Variants in TUT4 observed in about 807,000 individuals in gnomAD.
TUT4 encodes terminal uridylyltransferase 4.
TUT4 carries 36 observed loss-of-function variants against 192.2 expected under a neutral mutation model. The observed-to-expected ratio is 0.19, with a 90% CI of 0.14 to 0.25. The LOEUF (loss-of-function observed/expected upper bound fraction) is 0.25. Among genes scored for constraint, TUT4 ranks in the 10% least tolerant of loss-of-function variants. The pLI is 1.00. For synonymous variants in TUT4, 618 were observed against 666.0 expected (o/e 0.93, Z 1.11); for missense variants, 1,493 against 1,957.2 (o/e 0.76, Z 4.47).
At chr1:52,492,582 C>A (rs759368491) in intron 7 of TUT4, among the ~76,000 whole-genome samples, 8 of 152,164 alleles carry the variant, frequency 5.3e-5, no homozygotes, top group Non-Finnish European at 1.0e-4. Flanking sequence ...AATAATTTGT[C>A]AAAGGACACA....
At chr1:52,547,194 T>C (rs947458152) in intron 1 of TUT4, among the ~76,000 whole-genome samples, 5 of 149,486 alleles carry the variant, frequency 3.3e-5, no homozygotes, top group Non-Finnish European at 5.9e-5. Context: ...CCAGAATATA[T>C]TGAGTTCTTA....
Position 52,423,768 on chromosome 1 carries a change from T to A in TUT4, c.*167A>T. ...ACAGTCTTAGAATTTAAATAAGCTA[T>A]CTAAACGTGTTAAAATTTTAAATCA... On this transcript the variant is annotated 3_prime_UTR_variant, in exon 30 of 30. Transcript: ENST00000257177. The A allele has an allele frequency of 6.7e-7, 1 of 1,485,928 alleles. No homozygotes were observed. The highest frequency in any genetic ancestry group is 9.1e-7 in the Non-Finnish European group (1 of 1,099,942). 92.0% of individuals were successfully genotyped at this position (1,485,928 alleles called of 1,614,324 possible).
At chr1:52,542,131 C>T (rs1011051192) in intron 1 of TUT4, among the ~76,000 whole-genome samples, 42 of 152,122 alleles carry the variant, frequency 2.8e-4, no homozygotes, top group Admixed American at 2.8e-3. Flanking sequence ...TACGCAGTAC[C>T]TACAGCAGTC....
chr1:52,540,469 C>T (rs540064497), intron 1 of TUT4, among the ~76,000 whole-genome samples: 12 of 149,346 alleles, frequency 8.0e-5, no homozygotes, highest in Admixed American at 2.7e-4. Flanking sequence ...GACCTAAGAT[C>T]GCACCACTGC....
In TUT4 at chr1:52,533,716, C is replaced by T. The variant is rs771992134; in HGVS notation, c.-93-7343G>A. ...GGCACAGTGGCTCACGGCTGTAATCCGAGCACTTTGGGAGGCTAAGGCAGG... is the reference window on the plus strand; with the variant it reads ...GGCACAGTGGCTCACGGCTGTAATCTGAGCACTTTGGGAGGCTAAGGCAGG... On this transcript the variant is annotated intron_variant, in intron 1 of 29. Transcript: ENST00000257177. Among the ~76,000 whole-genome samples the T allele has an allele frequency of 3.3e-5, 5 of 152,250 alleles. No homozygotes were observed. The East Asian group carries it at 5.8e-4, about 18-fold the overall frequency.
At position 52,488,964 on chromosome 1, in the gene TUT4, C is replaced by T; in HGVS notation, c.1460G>A (p.Gly487Asp). The change falls in exon 9 of 30, where the codon GGC (glycine) becomes GAC (aspartate). Residue 487 changes from glycine to aspartate, a missense_variant. Physicochemically the swap from Gly to Asp is moderately conservative, Grantham distance 94 (BLOSUM62 -1). Transcript: ENST00000257177. Reference protein sequence around the residue: ...CLTTDLLTALGKIEPVFIPLV... With the variant: ...CLTTDLLTALDKIEPVFIPLV... ...GGGAATAAAGACAGGTTCTATTTTG[C>T]CAAGGGCAGTAAGTAAATCAGTAGT... is the stretch of plus-strand genomic sequence containing the variant. The T allele has an allele frequency of 1.2e-6, 2 of 1,613,808 alleles. No homozygotes were observed. Among genetic ancestry groups the T allele is most frequent in the Non-Finnish European group, 1.7e-6 (2 of 1,179,858 alleles).
chr1:52,543,586 C>T lies in TUT4; in HGVS notation c.-94+9345G>A, dbSNP rs575689583. ...GCAACCTCCGCCTCCCGGGTTCAAG[C>T]GATTCTCCTGCCTCAGCCTCCTGAG... On this transcript the variant is annotated intron_variant, in intron 1 of 29. Transcript: ENST00000257177. 9.0e-3 allele frequency among the ~76,000 whole-genome samples: 1,362 copies of T among 151,076 alleles called. 23 individuals carry two copies. The highest frequency in any genetic ancestry group is 0.031 in the African/African-American group (1,289 of 41,080).
At chr1:52,454,588 A>G (rs959727370) in intron 20 of TUT4, among the ~76,000 whole-genome samples, 4 of 152,234 alleles carry the variant, frequency 2.6e-5, no homozygotes, top group African/African-American at 9.6e-5. Context: ...TAAATGGCTC[A>G]CAGGCCTAAA....
rs1373346509 is a variant in TUT4, at chr1:52,458,579, C to T, written c.3322-130G>A. On this transcript the variant is annotated intron_variant, in intron 19 of 29. Transcript: ENST00000257177. ...AAACTGAGTTAAAAACAAACTGCAC[C>T]GTCTATAATCCCAACACTCTGGGAG... The T allele has an allele frequency of 1.6e-5, 9 of 578,208 alleles. No individual in the cohort carries two copies. The Middle Eastern group carries it at 1.2e-3, about 74-fold the overall frequency. The allele number at this position is 578,208 out of a possible 1,614,324, so 35.8% of individuals were successfully genotyped here. A position where few individuals can be genotyped will look rare whatever the true frequency, so the allele number is the denominator to read the frequency against.
Position 52,475,539 on chromosome 1 carries a change from G to T in TUT4, c.2024-4C>A. The T allele has an allele frequency of 6.2e-7, 1 of 1,601,216 alleles. No homozygotes were observed. On this transcript the variant is annotated splice_region_variant and splice_polypyrimidine_tract_variant and intron_variant, in intron 12 of 29. Coordinates refer to ENST00000257177, the MANE Select transcript of TUT4 (RefSeq NM_001009881.3). ...TTCCTCTTGACTGAAAATGGATCTAGCAAAAGAGAAAATGGTAAATAGCTA... is the reference window on the plus strand; with the variant it reads ...TTCCTCTTGACTGAAAATGGATCTATCAAAAGAGAAAATGGTAAATAGCTA...
At chr1:52,504,531 G>T (rs1222146683) in intron 4 of TUT4, among the ~76,000 whole-genome samples, 2 of 152,178 alleles carry the variant, frequency 1.3e-5, no homozygotes, top group African/African-American at 4.8e-5. Flanking sequence ...TCGGGAGGCT[G>T]AAGCAGAAGA....
intron 1 of TUT4, among the ~76,000 whole-genome samples, chr1:52,534,475 A>G (rs947642998): frequency 6.6e-6 from 1 of 152,112 alleles, no homozygotes; most frequent in Non-Finnish European, 1.5e-5. Context: ...ACCCCCGTAA[A>G]CTCCAACCAG....
chr1:52,448,165 T>C (rs1207585293), intron 20 of TUT4, among the ~76,000 whole-genome samples: 1 of 152,238 alleles, frequency 6.6e-6, no homozygotes, highest in Non-Finnish European at 1.5e-5. Context: ...TATGTAAGTA[T>C]GTTACACAGA....
chr1:52,533,776 T>C (rs1428927284), intron 1 of TUT4, among the ~76,000 whole-genome samples: 2 of 152,110 alleles, frequency 1.3e-5, no homozygotes, highest in South Asian at 4.1e-4. Flanking sequence ...AAGACTGGCC[T>C]GGCATGGCGA....
chr1:52,457,592 T>C (rs1216372383), intron 20 of TUT4, among the ~76,000 whole-genome samples: 1 of 152,210 alleles, frequency 6.6e-6, no homozygotes, highest in African/African-American at 2.4e-5. Context: ...CCAGAATATG[T>C]GACTTTTCCA....
chr1:52,425,748 C>T lies in TUT4; in HGVS notation c.4712-241G>A, dbSNP rs1010042081. The stretch of plus-strand genomic sequence containing the variant: ...CAATATGTAATAATTGCTAGTAGAA[C>T]AGGCAAAATGTTCTGAAGAGAGGGC... On this transcript the variant is annotated intron_variant, in intron 28 of 29. Coordinates refer to ENST00000257177, the MANE Select transcript of TUT4 (RefSeq NM_001009881.3). Among the ~76,000 whole-genome samples the T allele has an allele frequency of 2.6e-5, 4 of 151,074 alleles. No individual in the cohort carries two copies. The Admixed American group carries it at 2.7e-4, about 10-fold the overall frequency.
chr1:52,494,916 A>G (rs1218512061), intron 6 of TUT4, among the ~76,000 whole-genome samples: 1 of 152,196 alleles, frequency 6.6e-6, no homozygotes, highest in Non-Finnish European at 1.5e-5. Flanking sequence ...TATTAGAACA[A>G]TATCAATATT....
At chr1:52,476,114 G>A (rs1557777350) in intron 12 of TUT4, among the ~76,000 whole-genome samples, 1 of 152,018 alleles carries the variant, frequency 6.6e-6, no homozygotes, top group Non-Finnish European at 1.5e-5. Context: ...CAAAGTGCTG[G>A]GATTACAGGC....
chr1:52,488,488 G>A (rs1199968028), intron 9 of TUT4, among the ~76,000 whole-genome samples: 1 of 152,188 alleles, frequency 6.6e-6, no homozygotes, highest in Non-Finnish European at 1.5e-5. Flanking sequence ...ATTGGTACAT[G>A]TTATCAATGA....
Sources: gnomAD v4.1 joint callset for allele counts (sites outside exome capture counted in the v4.1 genomes callset) on GRCh38, gnomAD v4.1.1 for gene constraint, MANE v1.5 for transcripts, NCBI Gene and HGNC (gene_info 2026-07-23, HGNC 2026-07-21) for gene names.